LIPA: variants seen among roughly 807,000 people sequenced by gnomAD.
The protein encoded by LIPA is lipase A, lysosomal acid type, also known as lysosomal acid lipase/cholesteryl ester hydrolase.
LIPA carries 26 observed loss-of-function variants against 40.6 expected under a neutral mutation model. That is an observed-to-expected ratio of 0.64 (90% CI 0.47 to 0.89). LIPA has a LOEUF of 0.89. LIPA is among the 40% of genes least tolerant of loss of function. LIPA has a pLI of 0.00. For synonymous variants in LIPA, 188 were observed against 168.4 expected, an observed-to-expected ratio of 1.12 and a Z score of -0.90; for missense variants, 455 against 479.6, an observed-to-expected ratio of 0.95 and a Z score of 0.48.
At chr10:89,381,985 G>C (rs1354795977) in intron 2 of LIPA, among the ~76,000 whole-genome samples, 2 of 152,004 alleles carry the variant, frequency 1.3e-5, no homozygotes, top group African/African-American at 4.8e-5. Context: ...GCCCAGGCTA[G>C]TTTTGAACTC....
At chr10:89,228,101 T>C in intron 4 of LIPA, 99 bp downstream of exon 4, 2 of 1,029,748 alleles carry the variant, frequency 1.9e-6, no homozygotes, top group Non-Finnish European at 3.1e-6. Flanking sequence ...CTCATACAAC[T>C]TCAGAGTTAC....
chr10:89,365,532 A>G (rs1023334824), intron 2 of LIPA, among the ~76,000 whole-genome samples: 2 of 152,140 alleles, frequency 1.3e-5, no homozygotes, highest in African/African-American at 4.8e-5. Flanking sequence ...GCCCATGCGT[A>G]TGTCCTGAAT....
At chr10:89,409,195 G>A (rs527405196) in intron 2 of LIPA, among the ~76,000 whole-genome samples, 1 of 152,236 alleles carries the variant, frequency 6.6e-6, no homozygotes, top group Admixed American at 6.5e-5. Flanking sequence ...AGCAAGCCCT[G>A]GGCCCTGAAC....
chr10:89,352,906 A>T (rs887690431), intron 2 of LIPA, among the ~76,000 whole-genome samples: 3 of 152,170 alleles, frequency 2.0e-5, no homozygotes, highest in South Asian at 2.1e-4. Flanking sequence ...TACCCTAGCA[A>T]CATAAACTGA....
At chr10:89,341,484 C>T (rs1487024531) in intron 1 of LIPA, among the ~76,000 whole-genome samples, 1 of 152,162 alleles carries the variant, frequency 6.6e-6, no homozygotes, top group African/African-American at 2.4e-5. Context: ...TTTTAATTCA[C>T]TCATGAATGT....
intron 1 of LIPA, chr10:89,277,859 T>C (rs1843296480): frequency 6.6e-6 from 1 of 152,166 alleles, no homozygotes; most frequent in Non-Finnish European, 1.5e-5. Flanking sequence ...TTTTCAAAAA[T>C]AAACAAACCC....
intron 1 of LIPA, among the ~76,000 whole-genome samples, chr10:89,281,554 A>T (rs1006538835): frequency 3.9e-5 from 6 of 152,360 alleles, no homozygotes; most frequent in Non-Finnish European, 2.9e-5. Context: ...CACTTTACAG[A>T]TGTGGAAACT....
chr10:89,337,981 T>C (rs561101852), intron 1 of LIPA, among the ~76,000 whole-genome samples: 2 of 152,334 alleles, frequency 1.3e-5, no homozygotes, highest in East Asian at 1.9e-4. Flanking sequence ...TAGTATAAAA[T>C]AGGCTTTGTG....
At chr10:89,275,033 T>G (rs1228476011) in intron 1 of LIPA, among the ~76,000 whole-genome samples, 3 of 152,042 alleles carry the variant, frequency 2.0e-5, no homozygotes, top group Non-Finnish European at 2.9e-5. Context: ...AGAAGTAGAG[T>G]TGAAACTGTC....
intron 2 of LIPA, among the ~76,000 whole-genome samples, chr10:89,381,734 A>G (rs1355027181): frequency 1.3e-5 from 2 of 151,988 alleles, no homozygotes; most frequent in East Asian, 3.8e-4. Flanking sequence ...GGTGCTATTC[A>G]TTATCTTGTG....
chr10:89,252,901 G>A (rs1843150564), upstream of LIPA, among the ~76,000 whole-genome samples: 1 of 152,184 alleles, frequency 6.6e-6, no homozygotes, highest in Non-Finnish European at 1.5e-5. Context: ...AGGCAAGGAG[G>A]TAGTTAACAG....
chr10:89,302,041 T>C (rs887258102), intron 1 of LIPA: 4 of 1,526,218 alleles, frequency 2.6e-6, no homozygotes, highest in Middle Eastern at 1.7e-4. Context: ...TCAGCATTTA[T>C]TGGTGGCAGA....
At chr10:89,276,494 C>T (rs1843290001) in intron 1 of LIPA, among the ~76,000 whole-genome samples, 1 of 152,200 alleles carries the variant, frequency 6.6e-6, no homozygotes, top group Non-Finnish European at 1.5e-5. Flanking sequence ...CAAGTAATGG[C>T]ATTGCCCTAT....
intron 1 of LIPA, among the ~76,000 whole-genome samples, chr10:89,286,297 C>G (rs112292044): frequency 6.6e-6 from 1 of 152,028 alleles, no homozygotes; most frequent in African/African-American, 2.4e-5. Flanking sequence ...TCCAATCTTC[C>G]TTTTCTACGG....
At chr10:89,373,079 A>T (rs1380394066) in intron 2 of LIPA, among the ~76,000 whole-genome samples, 1 of 152,172 alleles carries the variant, frequency 6.6e-6, no homozygotes, top group Non-Finnish European at 1.5e-5. Context: ...CACGCCTGTA[A>T]TCCCAGCACT....
intron 5 of LIPA, 140 bp downstream of exon 5, chr10:89,226,755 T>A (rs1842774535): frequency 1.6e-6 from 1 of 643,748 alleles, no homozygotes; most frequent in East Asian, 2.7e-5. Context: ...CAACATTCCT[T>A]ATCTTATTCA....
intron 1 of LIPA, among the ~76,000 whole-genome samples, chr10:89,310,033 GCC>G (rs982236879): frequency 4.6e-5 from 7 of 152,296 alleles, no homozygotes; most frequent in African/African-American, 1.7e-4. Context: ...AATGACCATT[GCC>G]CCTAAAACTG....
At chr10:89,357,451 C>G (rs918614556) in intron 2 of LIPA, among the ~76,000 whole-genome samples, 7 of 152,188 alleles carry the variant, frequency 4.6e-5, no homozygotes, top group African/African-American at 1.4e-4. Flanking sequence ...TTCTAGAATG[C>G]AAATTTCCCT....
intron 2 of LIPA, chr10:89,384,813 T>C: frequency 7.7e-7 from 1 of 1,306,960 alleles, no homozygotes; most frequent in East Asian, 2.3e-5. Flanking sequence ...AATGCAAACT[T>C]AAAGCTGTTG....
Sources: gnomAD v4.1 joint callset for allele counts (sites outside exome capture counted in the v4.1 genomes callset) on GRCh38, gnomAD v4.1.1 for gene constraint, MANE v1.5 for transcripts, NCBI Gene and HGNC (gene_info 2026-07-23, HGNC 2026-07-21) for gene names.